Variants in CACNA2D3 observed in about 807,000 individuals in gnomAD.
The protein encoded by CACNA2D3 is voltage-dependent calcium channel subunit alpha-2/delta-3.
In CACNA2D3, 60 loss-of-function variants were observed where a neutral mutation model predicts 160.6. The observed-to-expected ratio is 0.37, with a 90% CI of 0.30 to 0.46. The LOEUF (loss-of-function observed/expected upper bound fraction) is 0.46. Among genes scored for constraint, CACNA2D3 ranks in the 20% least tolerant of loss-of-function variants. The probability of loss-of-function intolerance (pLI) is 1.00; values close to 1 mark genes in which losing one functional copy is unlikely to be tolerated. For synonymous variants in CACNA2D3, 558 were observed against 492.9 expected, an observed-to-expected ratio of 1.13 and a Z score of -1.75; for missense variants, 1,205 against 1,365.0, an observed-to-expected ratio of 0.88 and a Z score of 1.85.
chr3:54,461,561 C>T (rs1435813977), intron 4 of CACNA2D3, among the ~76,000 whole-genome samples: 1 of 151,588 alleles, frequency 6.6e-6, no homozygotes, highest in African/African-American at 2.4e-5. Context: ...AGTTTATTTG[C>T]ATAGAGGTGT....
intron 2 of CACNA2D3, among the ~76,000 whole-genome samples, chr3:54,145,365 T>C (rs1463296910): frequency 6.6e-6 from 1 of 152,178 alleles, no homozygotes; most frequent in Admixed American, 6.5e-5. Flanking sequence ...TGGATGTGTG[T>C]GTGTGGAATT....
intron 11 of CACNA2D3, among the ~76,000 whole-genome samples, chr3:54,748,951 C>T (rs1334004625): frequency 6.6e-6 from 1 of 152,188 alleles, no homozygotes; most frequent in East Asian, 1.9e-4. Flanking sequence ...GTTAAATGAG[C>T]AGTAGCGTAA....
intron 11 of CACNA2D3, among the ~76,000 whole-genome samples, chr3:54,650,126 C>T (rs925675820): frequency 6.6e-6 from 1 of 152,118 alleles, no homozygotes; most frequent in African/African-American, 2.4e-5. Flanking sequence ...CCTGAATTTT[C>T]CTCAGTGAGC....
intron 3 of CACNA2D3, among the ~76,000 whole-genome samples, chr3:54,344,983 C>G (rs1698429896): frequency 6.6e-6 from 1 of 152,206 alleles, no homozygotes; most frequent in Non-Finnish European, 1.5e-5. Flanking sequence ...TGCTCTCCCA[C>G]CATGAGCGCC....
chr3:54,478,741 AGGT>A (rs1700884029), intron 4 of CACNA2D3, among the ~76,000 whole-genome samples: 1 of 86,238 alleles, frequency 1.2e-5, no homozygotes, highest in Non-Finnish European at 2.5e-5. Context: ...TCCCTTTGTC[AGGT>A]GTATCCACGC....
In CACNA2D3 at chr3:54,998,275, AC is replaced by A. The variant is rs1308196035; in HGVS notation, c.2691-6487del. Among the ~76,000 whole-genome samples the A allele has an allele frequency of 5.9e-5, 9 of 152,084 alleles. No homozygotes were observed. The South Asian group carries it at 1.9e-3, about 32-fold the overall frequency. On this transcript the variant is annotated intron_variant, in intron 31 of 37. Transcript: ENST00000474759. The stretch of plus-strand genomic sequence containing the variant: ...CTTAGCCTGCCGAGTAGCTGGGACT[AC>A]AGGTGCGTGCCACCACGCCAGGCTA...
At chr3:54,611,590 A>C (rs1385286001) in intron 9 of CACNA2D3, among the ~76,000 whole-genome samples, 1 of 152,172 alleles carries the variant, frequency 6.6e-6, no homozygotes, top group Non-Finnish European at 1.5e-5. Context: ...TTTGTGCTCA[A>C]ATGAGTAGTT....
chr3:54,530,381 A>G (rs1575505955), intron 5 of CACNA2D3, among the ~76,000 whole-genome samples: 1 of 152,128 alleles, frequency 6.6e-6, no homozygotes, highest in Non-Finnish European at 1.5e-5. Flanking sequence ...AGCTGACACT[A>G]TGTACCTGTG....
At chr3:54,406,108 G>A (rs1189815039) in intron 4 of CACNA2D3, among the ~76,000 whole-genome samples, 13 of 152,190 alleles carry the variant, frequency 8.5e-5, no homozygotes, top group Admixed American at 5.9e-4. Context: ...AATATAGATT[G>A]GTGTAGCCAT....
At chr3:54,527,244 C>A (rs145874428) in intron 5 of CACNA2D3, among the ~76,000 whole-genome samples, 47 of 152,360 alleles carry the variant, frequency 3.1e-4, no homozygotes, top group African/African-American at 1.0e-3. Context: ...TCCACTACAA[C>A]CTCCACTATT....
At chr3:54,431,084 A>G (rs1248919236) in intron 4 of CACNA2D3, among the ~76,000 whole-genome samples, 1 of 152,160 alleles carries the variant, frequency 6.6e-6, no homozygotes, top group Non-Finnish European at 1.5e-5. Context: ...CACGGCTGTA[A>G]TCCCAGCACT....
At chr3:54,501,806 A>G (rs571784653) in intron 4 of CACNA2D3, among the ~76,000 whole-genome samples, 10 of 152,310 alleles carry the variant, frequency 6.6e-5, no homozygotes, top group African/African-American at 2.4e-4. Context: ...AATTCTTGCA[A>G]GGCAAGTCTA....
At chr3:54,603,468 C>T (rs1261145645) in intron 9 of CACNA2D3, among the ~76,000 whole-genome samples, 1 of 152,216 alleles carries the variant, frequency 6.6e-6, no homozygotes, top group Non-Finnish European at 1.5e-5. Flanking sequence ...CCTGACTCAA[C>T]TTCCTTCCTC....
intron 27 of CACNA2D3, chr3:54,918,762 C>T: frequency 6.2e-7 from 1 of 1,614,190 alleles, no homozygotes; most frequent in Non-Finnish European, 8.5e-7. Context: ...AGCCGGGCCA[C>T]TGAGCCTGCG....
chr3:54,180,653 G>C (rs1373233566), intron 2 of CACNA2D3, among the ~76,000 whole-genome samples: 1 of 152,166 alleles, frequency 6.6e-6, no homozygotes, highest in African/African-American at 2.4e-5. Context: ...TGTAGTTTCT[G>C]TCTTGTCTTC....
intron 4 of CACNA2D3, among the ~76,000 whole-genome samples, chr3:54,480,401 TCGCAA>T (rs889531425): frequency 6.6e-6 from 1 of 152,112 alleles, no homozygotes; most frequent in Admixed American, 6.6e-5. Context: ...CACCCCACAG[TCGCAA>T]GTTCTTTACT....
At chr3:54,627,343 T>C (rs1164554243) in intron 9 of CACNA2D3, among the ~76,000 whole-genome samples, 1 of 152,068 alleles carries the variant, frequency 6.6e-6, no homozygotes, top group Non-Finnish European at 1.5e-5. Flanking sequence ...GGAAGAGGGT[T>C]ATGCCCATAT....
intron 2 of CACNA2D3, among the ~76,000 whole-genome samples, chr3:54,232,957 G>A (rs554361300): frequency 6.6e-6 from 1 of 152,210 alleles, no homozygotes; most frequent in Non-Finnish European, 1.5e-5. Context: ...CTCCCAAGGA[G>A]TTGTCAGTCT....
chr3:54,872,836 T>C (rs985615403), intron 18 of CACNA2D3, among the ~76,000 whole-genome samples: 4 of 152,186 alleles, frequency 2.6e-5, no homozygotes, highest in Non-Finnish European at 4.4e-5. Flanking sequence ...CGCAAGCCAA[T>C]GAGCTGACAT....
Sources: allele counts gnomAD v4.1 joint callset (sites outside exome capture counted in the v4.1 genomes callset), GRCh38; gene constraint gnomAD v4.1.1; transcripts MANE v1.5; gene names NCBI Gene and HGNC (gene_info 2026-07-23, HGNC 2026-07-21).